The following FOXL1 variants were observed in gnomAD, a reference collection of about 807,000 sequenced individuals.
The protein encoded by FOXL1 is forkhead box protein L1.
A neutral mutation model predicts 1.7 loss-of-function variants in FOXL1; 2 were observed. The ratio of observed to expected loss-of-function variants is 1.21; its 90% CI spans 0.49 to 3.80. The LOEUF is 3.80. Among genes scored for constraint, FOXL1 ranks in the 30% most tolerant of loss-of-function variants. The probability of loss-of-function intolerance (pLI) is 0.07; values close to 1 mark genes in which losing one functional copy is unlikely to be tolerated. For missense variants in FOXL1, 565 were observed against 495.8 expected, an observed-to-expected ratio of 1.14 and a Z score of -1.32; for synonymous variants, 280 against 229.3, an observed-to-expected ratio of 1.22 and a Z score of -2.00.
At position 86,579,249 on chromosome 16, in the gene FOXL1, G is replaced by T; in HGVS notation, c.526G>T (p.Ala176Ser). 3 of 1,466,760 alleles carry T rather than the reference G, an allele frequency of 2.0e-6. No homozygotes were observed. Among genetic ancestry groups the T allele is most frequent in the Non-Finnish European group, 2.7e-6 (3 of 1,117,806 alleles). The allele number at this position is 1,466,760 out of a possible 1,614,324, so 90.9% of individuals were successfully genotyped here. The change falls in exon 1 of 1, where the codon GCA becomes TCA. Residue 176 changes from alanine (A) to serine (S), a missense_variant. Physicochemically the swap from Ala to Ser is moderately conservative, Grantham distance 99 (BLOSUM62 1). Coordinates refer to ENST00000320241, the MANE Select transcript of FOXL1 (RefSeq NM_005250.3). ...GGCGCAGCCGGAGGCGGGGAGCGGGGCAGGGGGCTCGGGCCCCGCAATCTC... is the reference window on the plus strand; with the variant it reads ...GGCGCAGCCGGAGGCGGGGAGCGGGTCAGGGGGCTCGGGCCCCGCAATCTC... ...AEAQPEAGSG[A>S]GGSGPAISRL...
Position 86,580,677 on chromosome 16 carries a change from C to T in FOXL1, c.*916C>T, listed in dbSNP as rs1000471177. The T allele has an allele frequency of 1.4e-4, 24 of 166,826 alleles. No homozygotes were observed. The highest frequency in any genetic ancestry group is 5.8e-4 in the African/African-American group (24 of 41,368). The allele number at this position is 166,826 out of a possible 1,614,324, so 10.3% of individuals were successfully genotyped here. A position where few individuals can be genotyped will look rare whatever the true frequency, so the allele number is the denominator to read the frequency against. On this transcript the variant is annotated 3_prime_UTR_variant, in exon 1 of 1. Coordinates refer to ENST00000320241, the MANE Select transcript of FOXL1 (RefSeq NM_005250.3). ...AGGGATCAAAATATTTCAAGGGATA[C>T]CATGAGGAAGGGTGTGAGGGGAAGG...
In FOXL1 at chr16:86,579,088, A is replaced by G; in HGVS notation, c.365A>G (p.Tyr122Cys). The change falls in exon 1 of 1, where the codon TAC (tyrosine) becomes TGC (cysteine). Residue 122 changes from tyrosine to cysteine, a missense_variant. Tyr to Cys is a radical substitution (Grantham distance 194). Transcript: ENST00000320241. ...REKGRPGKGS[Y>C]WTLDPRCLDM... ...AAAGGGCGGCCGGGCAAGGGCAGCT[A>G]CTGGACGCTGGACCCCCGCTGCCTG... 2 of 1,614,006 alleles carry G rather than the reference A, an allele frequency of 1.2e-6. No individual in the cohort carries two copies. Among genetic ancestry groups the G allele is most frequent in the African/African-American group, 1.3e-5 (1 of 75,038 alleles).
At position 86,579,162 on chromosome 16, in the gene FOXL1, C is replaced by A; in HGVS notation, c.439C>A (p.Pro147Thr). 1 of 1,609,760 alleles carries A rather than the reference C, an allele frequency of 6.2e-7. No homozygotes were observed. The highest frequency in any genetic ancestry group is 8.5e-7 in the Non-Finnish European group (1 of 1,178,620). ...NYRRRKRKPK[P>T]GPGAPEAKRP... The stretch of plus-strand genomic sequence containing the variant: ...CCGGCGCCGGAAGAGGAAGCCCAAG[C>A]CGGGCCCCGGGGCCCCGGAGGCCAA... The change falls in exon 1 of 1, where the codon CCG becomes ACG. Residue 147 changes from proline to threonine, a missense_variant. Coordinates refer to ENST00000320241, the MANE Select transcript of FOXL1 (RefSeq NM_005250.3).
At position 86,578,737 on chromosome 16, in the gene FOXL1, T is replaced by A; in HGVS notation, c.14T>A (p.Phe5Tyr). The A allele has an allele frequency of 1.2e-6, 2 of 1,603,990 alleles. No individual in the cohort carries two copies. The highest frequency in any genetic ancestry group is 1.7e-6 in the Non-Finnish European group (2 of 1,172,948). The change falls in exon 1 of 1, where the codon TTC (phenylalanine) becomes TAC (tyrosine). Residue 5 changes from phenylalanine to tyrosine, a missense_variant. Physicochemically the swap from Phe to Tyr is conservative, Grantham distance 22. Coordinates refer to ENST00000320241, the MANE Select transcript of FOXL1 (RefSeq NM_005250.3). MSHL[F>Y]DPRLPALAAS... ...CTCTCGCTTGCCATGAGTCACCTCT[T>A]CGATCCCCGGCTGCCTGCCCTGGCC...
chr16:86,582,558 G>A lies in FOXL1; in HGVS notation c.*2797G>A, dbSNP rs999726731. Among the ~76,000 whole-genome samples the A allele has an allele frequency of 2.0e-5, 3 of 151,986 alleles. No homozygotes were observed. Among genetic ancestry groups the A allele is most frequent in the African/African-American group, 7.3e-5 (3 of 41,364 alleles). On this transcript the variant is annotated 3_prime_UTR_variant, in exon 1 of 1. Coordinates refer to ENST00000320241, the MANE Select transcript of FOXL1 (RefSeq NM_005250.3). Reference sequence around the variant, plus strand: ...ATACCCACACACATATGAGTGCACTGATCATAATGAGGATATGGCAGGCAC... The same window carrying A: ...ATACCCACACACATATGAGTGCACTAATCATAATGAGGATATGGCAGGCAC...
Position 86,578,777 on chromosome 16 carries a change from G to C in FOXL1, c.54G>C (p.Leu18=), listed in dbSNP as rs759986631. ...RLPALAASPM[L]YLYGPERPGL... ...CTGCCCTGGCCGCCTCGCCCATGCT[G>C]TATCTGTACGGTCCCGAGAGACCCG... The change falls in exon 1 of 1, where the codon CTG becomes CTC. Residue 18 remains leucine, a synonymous_variant. Transcript: ENST00000320241. 3 of 1,613,116 alleles carry C rather than the reference G, an allele frequency of 1.9e-6. No homozygotes were observed. The highest frequency in any genetic ancestry group is 2.5e-6 in the Non-Finnish European group (3 of 1,179,862).
chr16:86,579,323 C>G lies in FOXL1; in HGVS notation c.600C>G (p.Pro200=). ...PAGPSPLLDG[P]SPPAPLHWPG... is the part of the protein sequence containing the mutation. ...GCCCCTCGCCCCTCCTGGACGGCCC[C>G]TCTCCGCCGGCGCCCCTCCACTGGC... is the stretch of plus-strand genomic sequence containing the variant. The change falls in exon 1 of 1, where the codon CCC becomes CCG. Residue 200 remains proline, a synonymous_variant. Transcript: ENST00000320241. The G allele has an allele frequency of 6.8e-7, 1 of 1,468,552 alleles. No individual in the cohort carries two copies. The allele number at this position is 1,468,552 out of a possible 1,614,324, so 91.0% of individuals were successfully genotyped here.
chr16:86,579,766 A>G lies in FOXL1; in HGVS notation c.*5A>G. On this transcript the variant is annotated 3_prime_UTR_variant, in exon 1 of 1. Coordinates refer to ENST00000320241, the MANE Select transcript of FOXL1 (RefSeq NM_005250.3). Reference sequence around the variant, plus strand: ...ACGGTACTCCACTTCCAGTAAAGCAAACAATGGCACGGTTCTTCTCCCGGC... The same window carrying G: ...ACGGTACTCCACTTCCAGTAAAGCAGACAATGGCACGGTTCTTCTCCCGGC... The G allele has an allele frequency of 1.9e-6, 3 of 1,610,756 alleles. No homozygotes were observed. Among genetic ancestry groups the G allele is most frequent in the Non-Finnish European group, 2.5e-6 (3 of 1,177,838 alleles).
At position 86,583,015 on chromosome 16, in the gene FOXL1, T is replaced by C. The variant is rs1597407605; in HGVS notation, c.*3254T>C. Reference sequence around the variant, plus strand: ...CAAAGGACTCTTGCTCTGCCTGGCCTCATCTAGTTGCTGGCTTTTCTAGAA... The same window carrying C: ...CAAAGGACTCTTGCTCTGCCTGGCCCCATCTAGTTGCTGGCTTTTCTAGAA... On this transcript the variant is annotated 3_prime_UTR_variant, in exon 1 of 1. Coordinates refer to ENST00000320241, the MANE Select transcript of FOXL1 (RefSeq NM_005250.3). Among the ~76,000 whole-genome samples, 2 of 148,896 alleles carry C rather than the reference T, an allele frequency of 1.3e-5. No homozygotes were observed. Among genetic ancestry groups the C allele is most frequent in the Middle Eastern group, 3.4e-3 (1 of 294 alleles).
Position 86,579,470 on chromosome 16 carries a change from C to G in FOXL1, c.747C>G (p.Arg249=), listed in dbSNP as rs954065321. ...GPGSPLRPAS[R]SSPKSSDKSK... ...GGTCCCCTCTGCGCCCCGCCTCCCGCAGCTCTCCGAAGAGCTCCGACAAGT... is the reference window on the plus strand; with the variant it reads ...GGTCCCCTCTGCGCCCCGCCTCCCGGAGCTCTCCGAAGAGCTCCGACAAGT... The change falls in exon 1 of 1, where the codon CGC becomes CGG. Residue 249 remains arginine, a synonymous_variant. Coordinates refer to ENST00000320241, the MANE Select transcript of FOXL1 (RefSeq NM_005250.3). The G allele has an allele frequency of 6.4e-7, 1 of 1,563,402 alleles. No homozygotes were observed. The highest frequency in any genetic ancestry group is 2.4e-5 in the East Asian group (1 of 41,922).
Position 86,579,339 on chromosome 16 carries a change from C to G in FOXL1, c.616C>G (p.Leu206Val), listed in dbSNP as rs1974381703. 2 of 1,478,920 alleles carry G rather than the reference C, an allele frequency of 1.4e-6. No individual in the cohort carries two copies. Among genetic ancestry groups the G allele is most frequent in the Non-Finnish European group, 1.8e-6 (2 of 1,123,276 alleles). The allele number at this position is 1,478,920 out of a possible 1,614,324, so 91.6% of individuals were successfully genotyped here. The change falls in exon 1 of 1, where the codon CTC becomes GTC. Residue 206 changes from leucine (L) to valine (V), a missense_variant. Coordinates refer to ENST00000320241, the MANE Select transcript of FOXL1 (RefSeq NM_005250.3). The part of the protein sequence containing the change: ...LLDGPSPPAP[L>V]HWPGTASPNE... ...GGACGGCCCCTCTCCGCCGGCGCCC[C>G]TCCACTGGCCGGGGACCGCGTCCCC...
rs1255177315 is a variant in FOXL1 at position 86,578,811 on chromosome 16, C to T, written c.88C>T (p.Leu30=). The T allele has an allele frequency of 3.1e-6, 5 of 1,613,486 alleles. No homozygotes were observed. In the African/African-American group the frequency reaches 6.7e-5, roughly 22 times the overall value. The change falls in exon 1 of 1, where the codon CTG becomes TTG. Residue 30 remains leucine, a synonymous_variant. Coordinates refer to ENST00000320241, the MANE Select transcript of FOXL1 (RefSeq NM_005250.3). Reference sequence around the variant, plus strand: ...CGGTCCCGAGAGACCCGGCCTCCCTCTGGCCTTCGCCCCCGCGGCTGCTCT... The same window carrying T: ...CGGTCCCGAGAGACCCGGCCTCCCTTTGGCCTTCGCCCCCGCGGCTGCTCT... The part of the protein sequence containing the change: ...LYGPERPGLP[L]AFAPAAALAA...
In FOXL1 at chr16:86,581,437, G is replaced by A. The variant is rs1435881389; in HGVS notation, c.*1676G>A. ...CGGCAGAGTAATTGGATAATTCACA[G>A]GCATAGAGGTGACTTTTGGAAAATT... On this transcript the variant is annotated 3_prime_UTR_variant, in exon 1 of 1. Transcript: ENST00000320241. 6.0e-6 allele frequency: 1 copy of A among 167,104 alleles called. No individual in the cohort carries two copies. The highest frequency in any genetic ancestry group is 6.5e-5 in the Admixed American group (1 of 15,292). The allele number at this position is 167,104 out of a possible 1,614,324, so 10.4% of individuals were successfully genotyped here. A position where few individuals can be genotyped will look rare whatever the true frequency, so the allele number is the denominator to read the frequency against.
rs1974383098 is a variant in FOXL1 at position 86,579,415 on chromosome 16, G to T, written c.692G>T (p.Gly231Val). The change falls in exon 1 of 1, where the codon GGC becomes GTC. Residue 231 changes from glycine to valine, a missense_variant. By Grantham distance (109) the Gly-to-Val change is moderately radical. Coordinates refer to ENST00000320241, the MANE Select transcript of FOXL1 (RefSeq NM_005250.3). ...CAGGGCGCAGCGGCCGTGGCGGTCG[G>T]CCAGGCAGCGCGCACAGGGGACGGC... ...AAQGAAAVAV[G>V]QAARTGDGPG... 2 of 1,535,042 alleles carry T rather than the reference G, an allele frequency of 1.3e-6. No individual in the cohort carries two copies. Among genetic ancestry groups the T allele is most frequent in the Non-Finnish European group, 8.8e-7 (1 of 1,142,504 alleles).
At position 86,579,353 on chromosome 16, in the gene FOXL1, G is replaced by T. The variant is rs944737366; in HGVS notation, c.630G>T (p.Gly210=). The stretch of plus-strand genomic sequence containing the variant: ...CGCCGGCGCCCCTCCACTGGCCGGG[G>T]ACCGCGTCCCCGAACGAGGACGCTG... ...PSPPAPLHWP[G]TASPNEDAGD... Residue 210 remains glycine, a synonymous_variant, in exon 1 of 1, where the codon GGG becomes GGT. Coordinates refer to ENST00000320241, the MANE Select transcript of FOXL1 (RefSeq NM_005250.3). The T allele has an allele frequency of 1.2e-5, 18 of 1,493,402 alleles. No homozygotes were observed. Among genetic ancestry groups the T allele is most frequent in the Non-Finnish European group, 1.5e-5 (17 of 1,129,876 alleles). 92.5% of individuals were successfully genotyped at this position (1,493,402 alleles called of 1,614,324 possible).
chr16:86,579,181 A>C lies in FOXL1; in HGVS notation c.458A>C (p.Glu153Ala), dbSNP rs537362211. The C allele has an allele frequency of 6.6e-5, 105 of 1,602,380 alleles. 1 individual carries two copies. The East Asian group carries it at 2.0e-3, about 30-fold the overall frequency. Residue 153 changes from glutamate to alanine, a missense_variant, in exon 1 of 1, where the codon GAG becomes GCG. Transcript: ENST00000320241. ...RKPKPGPGAP[E>A]AKRPRAETHQ... Reference sequence around the variant, plus strand: ...CCCAAGCCGGGCCCCGGGGCCCCGGAGGCCAAGAGGCCCCGCGCCGAGACG... The same window carrying C: ...CCCAAGCCGGGCCCCGGGGCCCCGGCGGCCAAGAGGCCCCGCGCCGAGACG...
chr16:86,579,524 G>A lies in FOXL1; in HGVS notation c.801G>A (p.Leu267=). ...AGAGCTTCAGCATAGACAGCATCCT[G>A]GCGGGAAAGCAGGGCCAGAAGCCGC... ...KSKSFSIDSI[L]AGKQGQKPPS... is the part of the protein sequence containing the mutation. The change falls in exon 1 of 1, where the codon CTG becomes CTA. Residue 267 remains leucine, a synonymous_variant. Coordinates refer to ENST00000320241, the MANE Select transcript of FOXL1 (RefSeq NM_005250.3). 1.2e-6 allele frequency: 2 copies of A among 1,605,848 alleles called. No homozygotes were observed. Among genetic ancestry groups the A allele is most frequent in the Non-Finnish European group, 1.7e-6 (2 of 1,176,534 alleles).
At position 86,580,111 on chromosome 16, in the gene FOXL1, G is replaced by A. The variant is rs1285797010; in HGVS notation, c.*350G>A. The A allele has an allele frequency of 1.1e-5, 3 of 269,974 alleles. No homozygotes were observed. Among genetic ancestry groups the A allele is most frequent in the Non-Finnish European group, 2.3e-5 (3 of 132,076 alleles). 16.7% of individuals were successfully genotyped at this position (269,974 alleles called of 1,614,324 possible). Reference sequence around the variant, plus strand: ...CCCACCGCAGGTCCTGCGAGTCCCGGGCATGCAAGGGCCCGCAGACCACCC... The same window carrying A: ...CCCACCGCAGGTCCTGCGAGTCCCGAGCATGCAAGGGCCCGCAGACCACCC... On this transcript the variant is annotated 3_prime_UTR_variant, in exon 1 of 1. Coordinates refer to ENST00000320241, the MANE Select transcript of FOXL1 (RefSeq NM_005250.3).
In FOXL1 at chr16:86,578,569, G is replaced by A. The variant is rs1974366890; in HGVS notation, c.-155G>A. On this transcript the variant is annotated 5_prime_UTR_variant, in exon 1 of 1. Coordinates refer to ENST00000320241, the MANE Select transcript of FOXL1 (RefSeq NM_005250.3). Reference sequence around the variant, plus strand: ...TATTTAACATTTTTAAAGCCATGAAGAAGGGACAGAGCACGGAGCGGCCGG... The same window carrying A: ...TATTTAACATTTTTAAAGCCATGAAAAAGGGACAGAGCACGGAGCGGCCGG... 2 of 610,244 alleles carry A rather than the reference G, an allele frequency of 3.3e-6. No individual in the cohort carries two copies. Among genetic ancestry groups the A allele is most frequent in the East Asian group, 2.8e-5 (1 of 35,906 alleles). 37.8% of individuals were successfully genotyped at this position (610,244 alleles called of 1,614,324 possible).
Sources: allele counts gnomAD v4.1 joint callset (sites outside exome capture counted in the v4.1 genomes callset), GRCh38; gene constraint gnomAD v4.1.1; transcripts MANE v1.5; gene names NCBI Gene and HGNC (gene_info 2026-07-23, HGNC 2026-07-21).